The following ARAP2 variants were observed in gnomAD, a reference collection of about 807,000 sequenced individuals.
ARAP2 encodes arf-GAP with Rho-GAP domain, ANK repeat and PH domain-containing protein 2.
ARAP2 carries 148 observed loss-of-function variants against 194.5 expected under a neutral mutation model. The observed-to-expected ratio is 0.76, with a 90% CI of 0.67 to 0.87. ARAP2 has a LOEUF of 0.87. ARAP2 is among the 40% of genes least tolerant of loss of function. The probability of loss-of-function intolerance (pLI) is 0.00; values close to 1 mark genes in which losing one functional copy is unlikely to be tolerated. For missense variants in ARAP2, 2,128 were observed against 1,989.7 expected, an observed-to-expected ratio of 1.07 and a Z score of -1.32; for synonymous variants, 695 against 683.5, an observed-to-expected ratio of 1.02 and a Z score of -0.26.
intron 6 of ARAP2, among the ~76,000 whole-genome samples, chr4:36,199,994 A>G (rs1349359137): frequency 6.7e-6 from 1 of 148,430 alleles, no homozygotes; most frequent in South Asian, 2.2e-4. Flanking sequence ...GCTGGAAACA[A>G]AAAGAAAAAT....
chr4:36,067,740 C>A lies in ARAP2; in HGVS notation c.*167G>T, dbSNP rs1725822103. 1.6e-6 allele frequency: 1 copy of A among 625,390 alleles called. No individual in the cohort carries two copies. Among genetic ancestry groups the A allele is most frequent in the Non-Finnish European group, 2.5e-6 (1 of 393,506 alleles). The allele number at this position is 625,390 out of a possible 1,614,324, so 38.7% of individuals were successfully genotyped here. A position where few individuals can be genotyped will look rare whatever the true frequency, so the allele number is the denominator to read the frequency against. On this transcript the variant is annotated 3_prime_UTR_variant, in exon 33 of 33. Transcript: ENST00000303965. ...AAATAAAGTTAATCTTACATTCAGTCACATATATACATATTTTTAAATGCT... is the reference window on the plus strand; with the variant it reads ...AAATAAAGTTAATCTTACATTCAGTAACATATATACATATTTTTAAATGCT...
chr4:36,151,088 G>A (rs772164868), intron 15 of ARAP2, 44 bp from the exon 16 acceptor site: 25 of 1,526,338 alleles, frequency 1.6e-5, no homozygotes, highest in Admixed American at 8.9e-5. Context: ...AGCTAATCAC[G>A]AATCCAATTT....
At chr4:36,225,591 G>T (rs773208824) in intron 2 of ARAP2, among the ~76,000 whole-genome samples, 4 of 152,074 alleles carry the variant, frequency 2.6e-5, no homozygotes, top group Non-Finnish European at 5.9e-5. Context: ...CCAGTTAAAA[G>T]GAGCAGGCAG....
At chr4:36,032,779 C>T (rs79374906) in intron 5 of ARAP2, among the ~76,000 whole-genome samples, 2,999 of 152,092 alleles carry the variant, frequency 0.02, 124 homozygotes, top group African/African-American at 0.068. Context: ...ATCCAGGTAC[C>T]ACACCTAGTA....
At chr4:36,012,863 T>A (rs561507406) in intron 8 of ARAP2, 2 of 152,316 alleles carry the variant, frequency 1.3e-5, no homozygotes, top group East Asian at 3.9e-4. Flanking sequence ...CAAGAACTCA[T>A]GGTATCAAGC....
intron 10 of ARAP2, among the ~76,000 whole-genome samples, chr4:36,165,514 C>T: frequency 6.6e-6 from 1 of 151,576 alleles, no homozygotes; most frequent in African/African-American, 2.4e-5. Flanking sequence ...TAGTCTGAAA[C>T]TATGTTATCA....
At chr4:36,189,507 C>T (rs894183104) in intron 7 of ARAP2, among the ~76,000 whole-genome samples, 1 of 151,982 alleles carries the variant, frequency 6.6e-6, no homozygotes, top group Non-Finnish European at 1.5e-5. Context: ...GGACTTATTC[C>T]GCCTCTCTAG....
intron 2 of ARAP2, among the ~76,000 whole-genome samples, chr4:36,217,680 T>TA (rs1475400741): frequency 2.0e-5 from 3 of 151,572 alleles, no homozygotes; most frequent in African/African-American, 7.3e-5. Context: ...ATAAGGGCAT[T>TA]AAAAAACTAC....
chr4:36,235,898 C>T (rs1329375130), intron 1 of ARAP2, among the ~76,000 whole-genome samples: 2 of 152,034 alleles, frequency 1.3e-5, no homozygotes, highest in Non-Finnish European at 2.9e-5. Flanking sequence ...TGGGCCAGGC[C>T]GGGTGAGGTG....
At position 36,150,962 on chromosome 4, in the gene ARAP2, G is replaced by T. The variant is rs13148785; in HGVS notation, c.2835C>A (p.Thr945=). ...GGCAGATAACTTCATTGATATTAAT[G>T]GTGCCATTAGGTGTGGTAGACTTAT... ...ENDKSTTPNG[T]ININEVICLA... is the part of the protein sequence containing the mutation. Residue 945 remains threonine (T), a synonymous_variant, in exon 16 of 33, where the codon ACC becomes ACA. Coordinates refer to ENST00000303965, the MANE Select transcript of ARAP2 (RefSeq NM_015230.4). The T allele has an allele frequency of 0.089, 143,891 of 1,612,114 alleles. 6,998 individuals are homozygous for T. The highest frequency in any genetic ancestry group is 0.15 in the Middle Eastern group (887 of 6,052).
chr4:36,012,796 T>C (rs1229314182), exon 9 of ARAP2: 1 of 152,104 alleles, frequency 6.6e-6, no homozygotes, highest in Admixed American at 6.5e-5. Context: ...AGAAATCCTG[T>C]GGGGATGTGT....
intron 2 of ARAP2, among the ~76,000 whole-genome samples, chr4:36,225,496 G>A (rs1049841403): frequency 2.6e-5 from 4 of 152,040 alleles, no homozygotes; most frequent in African/African-American, 9.7e-5. Context: ...GATAAGGAAG[G>A]AGCTGGTGCT....
At chr4:36,046,994 A>G (rs569828166) in intron 3 of ARAP2, 1 of 152,102 alleles carries the variant, frequency 6.6e-6, no homozygotes, top group Non-Finnish European at 1.5e-5. Context: ...CCGGGTGCCC[A>G]CTCCTCTAGA....
chr4:36,044,973 G>C (rs117595624), intron 5 of ARAP2, among the ~76,000 whole-genome samples: 2 of 151,922 alleles, frequency 1.3e-5, no homozygotes, highest in Admixed American at 1.3e-4. Context: ...TAATCATCAG[G>C]GGAATACAAA....
At position 36,229,302 on chromosome 4, in the gene ARAP2, TTAAGTATCCTCC is replaced by T. The variant is rs1482643752; in HGVS notation, c.173_184del (p.Arg58_Leu61del). On this transcript the variant is annotated inframe_deletion, in exon 2 of 33. Transcript: ENST00000303965. ...TTTTGACAAGATTATCTGTAACTGT[TTAAGTATCCTCC>T]TACGGTGACCTGTAGGTGATATTCC... 1 of 1,614,104 alleles carries T rather than the reference TTAAGTATCCTCC, an allele frequency of 6.2e-7. No individual in the cohort carries two copies.
chr4:36,008,386 C>T (rs1436988245), intron 9 of ARAP2, among the ~76,000 whole-genome samples: 1 of 152,008 alleles, frequency 6.6e-6, no homozygotes, highest in Non-Finnish European at 1.5e-5. Flanking sequence ...GAAATACAGC[C>T]ACATACCTAT....
rs568778698 is a variant in ARAP2, at chr4:36,104,620, T to C, written c.4285+2945A>G. On this transcript the variant is annotated intron_variant, in intron 27 of 32. Coordinates refer to ENST00000303965, the MANE Select transcript of ARAP2 (RefSeq NM_015230.4). The stretch of plus-strand genomic sequence containing the variant: ...TAAGAAAAAATCACGACTTAAGAAA[T>C]TGATTTTTTAAAAATATTACAGATT... Among the ~76,000 whole-genome samples, 18 of 152,094 alleles carry C rather than the reference T, an allele frequency of 1.2e-4. 1 individual carries two copies. The East Asian group carries it at 2.3e-3, about 20-fold the overall frequency.
intron 23 of ARAP2, among the ~76,000 whole-genome samples, chr4:36,120,793 A>C (rs1272186040): frequency 6.6e-6 from 1 of 151,684 alleles, no homozygotes; most frequent in Non-Finnish European, 1.5e-5. Context: ...ACACAACTAA[A>C]AGAAAAAACC....
chr4:36,117,142 A>T lies in ARAP2; in HGVS notation c.3964-7T>A. 1.3e-6 allele frequency: 2 copies of T among 1,590,536 alleles called. No homozygotes were observed. The highest frequency in any genetic ancestry group is 1.7e-6 in the Non-Finnish European group (2 of 1,169,010). ...AATCTCCAGCCTGGGAAACCTAGAA[A>T]AGGGCAGAGGTAGAAACAACACAGA... is the stretch of plus-strand genomic sequence containing the variant. On this transcript the variant is annotated splice_polypyrimidine_tract_variant and splice_region_variant and intron_variant, in intron 24 of 32. Coordinates refer to ENST00000303965, the MANE Select transcript of ARAP2 (RefSeq NM_015230.4).
Sources: gnomAD v4.1 joint callset for allele counts (sites outside exome capture counted in the v4.1 genomes callset) on GRCh38, gnomAD v4.1.1 for gene constraint, MANE v1.5 for transcripts, NCBI Gene and HGNC (gene_info 2026-07-23, HGNC 2026-07-21) for gene names.